The following ROBO2 variants were observed in gnomAD, a reference collection of about 807,000 sequenced individuals.
ROBO2 encodes the protein roundabout homolog 2.
In ROBO2, 53 loss-of-function variants were observed where a neutral mutation model predicts 160.8. The observed-to-expected ratio is 0.33, with a 90% confidence interval of 0.26 to 0.41. The LOEUF (loss-of-function observed/expected upper bound fraction) is 0.41. Ranked by LOEUF, ROBO2 falls within the 10% of genes least tolerant of loss-of-function variation. ROBO2 has a pLI of 1.00. For synonymous variants in ROBO2, 664 were observed against 611.7 expected, an observed-to-expected ratio of 1.09 and a Z score of -1.26; for missense variants, 1,577 against 1,722.4, an observed-to-expected ratio of 0.92 and a Z score of 1.49.
In ROBO2 at chr3:76,599,720, T is replaced by C. The variant is rs1006919937; in HGVS notation, c.110-498294T>C. On this transcript the variant is annotated intron_variant, in intron 2 of 26. Transcript: ENST00000487694. ...AACCTCTCCAGCACCTGTTAGTTTTTTACTTTTCAGTAACAGCCATTCTGA... is the reference window on the plus strand; with the variant it reads ...AACCTCTCCAGCACCTGTTAGTTTTCTACTTTTCAGTAACAGCCATTCTGA... Among the ~76,000 whole-genome samples the C allele has an allele frequency of 3.9e-5, 6 of 152,336 alleles. No homozygotes were observed. The East Asian group carries it at 9.7e-4, about 25-fold the overall frequency.
intron 2 of ROBO2, among the ~76,000 whole-genome samples, chr3:77,148,858 A>G (rs565459773): frequency 3.9e-5 from 6 of 152,216 alleles, no homozygotes; most frequent in Non-Finnish European, 8.8e-5. Context: ...TCCTGATTAA[A>G]TAACAGTAAA....
intron 1 of ROBO2, among the ~76,000 whole-genome samples, chr3:75,922,653 G>A (rs918095754): frequency 4.6e-5 from 7 of 151,992 alleles, no homozygotes; most frequent in Non-Finnish European, 7.4e-5. Context: ...ACAATAGAGA[G>A]CATTATTGAT....
At chr3:76,397,273 G>A (rs2108713429) in intron 2 of ROBO2, among the ~76,000 whole-genome samples, 1 of 152,288 alleles carries the variant, frequency 6.6e-6, no homozygotes, top group Admixed American at 6.5e-5. Context: ...CTAGCCATAT[G>A]TAGAAAGCTG....
intron 2 of ROBO2, among the ~76,000 whole-genome samples, chr3:76,238,414 T>G (rs913227321): frequency 7.4e-4 from 112 of 152,032 alleles, no homozygotes; most frequent in Non-Finnish European, 4.4e-4. Flanking sequence ...TTACTAACTC[T>G]CCTGAGAAGA....
intron 2 of ROBO2, among the ~76,000 whole-genome samples, chr3:77,215,362 T>G (rs540312334): frequency 7.2e-5 from 11 of 152,350 alleles, no homozygotes; most frequent in Admixed American, 2.0e-4. Flanking sequence ...TTTCTTCCAG[T>G]TGATCGCATT....
intron 5 of ROBO2, among the ~76,000 whole-genome samples, chr3:77,515,090 T>A (rs1255506416): frequency 1.3e-5 from 2 of 151,776 alleles, no homozygotes; most frequent in Non-Finnish European, 2.9e-5. Context: ...TACTTAGACA[T>A]AATTTCTTTA....
intron 2 of ROBO2, among the ~76,000 whole-genome samples, chr3:76,094,396 G>A (rs576175143): frequency 6.6e-6 from 1 of 152,342 alleles, no homozygotes; most frequent in South Asian, 2.1e-4. Flanking sequence ...AGAGAGACAT[G>A]TGTTTGAGAT....
intron 2 of ROBO2, among the ~76,000 whole-genome samples, chr3:76,632,135 G>T (rs2090069597): frequency 6.6e-6 from 1 of 152,174 alleles, no homozygotes; most frequent in Admixed American, 6.5e-5. Context: ...GCTTAGCAAA[G>T]AAACGTAAAG....
At chr3:76,826,568 G>A (rs1457447868) in intron 2 of ROBO2, among the ~76,000 whole-genome samples, 1 of 152,046 alleles carries the variant, frequency 6.6e-6, no homozygotes, top group Admixed American at 6.6e-5. Flanking sequence ...AATAACAAGA[G>A]CATGCTACAT....
intron 2 of ROBO2, among the ~76,000 whole-genome samples, chr3:76,938,151 G>C (rs56385518): frequency 1.3e-5 from 2 of 151,974 alleles, no homozygotes; most frequent in African/African-American, 4.8e-5. Context: ...GAGGTTAAGA[G>C]ATTAAGACCA....
intron 2 of ROBO2, among the ~76,000 whole-genome samples, chr3:76,670,383 G>T (rs2092221367): frequency 6.6e-6 from 1 of 151,024 alleles, no homozygotes. Context: ...GCCAGAAAAA[G>T]GTCAAATTAT....
chr3:76,825,125 A>G (rs1279598953), intron 2 of ROBO2, among the ~76,000 whole-genome samples: 1 of 152,110 alleles, frequency 6.6e-6, no homozygotes, highest in Non-Finnish European at 1.5e-5. Flanking sequence ...CGTGTAAAAG[A>G]ATACCTTCCT....
intron 2 of ROBO2, among the ~76,000 whole-genome samples, chr3:77,340,969 A>C (rs562229208): frequency 3.9e-5 from 6 of 152,284 alleles, no homozygotes; most frequent in Non-Finnish European, 7.4e-5. Context: ...CTGACCAACT[A>C]TGAGTTAAGA....
chr3:76,070,898 G>A (rs2107958957), intron 2 of ROBO2, among the ~76,000 whole-genome samples: 1 of 152,262 alleles, frequency 6.6e-6, no homozygotes. Context: ...GATTCTTTGA[G>A]AGTCTTAATG....
At chr3:76,370,169 C>CT (rs1208594291) in intron 2 of ROBO2, among the ~76,000 whole-genome samples, 13 of 150,694 alleles carry the variant, frequency 8.6e-5, no homozygotes, top group South Asian at 6.3e-4. Flanking sequence ...ATAAATTTTT[C>CT]TTTTTTTTTG....
At chr3:77,587,971 T>A (rs1050115572) in intron 16 of ROBO2, among the ~76,000 whole-genome samples, 98 of 152,258 alleles carry the variant, frequency 6.4e-4, no homozygotes, top group African/African-American at 2.3e-3. Flanking sequence ...CTTAATTATC[T>A]GAGAGGCCTA....
At chr3:76,322,084 CTA>C (rs2072575887) in intron 2 of ROBO2, among the ~76,000 whole-genome samples, 1 of 147,400 alleles carries the variant, frequency 6.8e-6, no homozygotes, top group African/African-American at 2.5e-5. Context: ...TTTCCTGAAA[CTA>C]TTTACTTGCC....
chr3:77,467,863 C>T lies in ROBO2; in HGVS notation c.389-9551C>T, dbSNP rs549546868. On this transcript the variant is annotated intron_variant, in intron 2 of 25. Coordinates refer to ENST00000461745, the Ensembl canonical transcript of ROBO2. The stretch of plus-strand genomic sequence containing the variant: ...TTGAGCAAGCCAAGACAGTTTTGTC[C>T]GAACTGGGCAGGTGCTGAAAGACAG... Among the ~76,000 whole-genome samples the T allele has an allele frequency of 5.3e-5, 8 of 152,176 alleles. No homozygotes were observed. In the South Asian group the frequency reaches 1.2e-3, roughly 24 times the overall value.
chr3:76,743,141 C>A (rs75503284), intron 2 of ROBO2, among the ~76,000 whole-genome samples: 1 of 152,070 alleles, frequency 6.6e-6, no homozygotes, highest in South Asian at 2.1e-4. Context: ...GAATACAAGT[C>A]TTGGGCTTCA....
Sources: allele counts gnomAD v4.1 joint callset (sites outside exome capture counted in the v4.1 genomes callset), GRCh38; gene constraint gnomAD v4.1.1; transcripts MANE v1.5; gene names NCBI Gene and HGNC (gene_info 2026-07-23, HGNC 2026-07-21).